CTNND2: variants seen among roughly 807,000 people sequenced by gnomAD.
CTNND2 encodes catenin delta 2, also known as catenin delta-2.
In CTNND2, 22 loss-of-function variants were observed where a neutral mutation model predicts 144.4. The observed-to-expected ratio is 0.15, with a 90% CI of 0.11 to 0.22. The LOEUF (loss-of-function observed/expected upper bound fraction) is 0.22, where lower values mean the gene tolerates loss of function less well. CTNND2 is among the 10% of genes least tolerant of loss of function. The probability of loss-of-function intolerance (pLI) is 1.00; values close to 1 mark genes in which losing one functional copy is unlikely to be tolerated. For synonymous variants in CTNND2, 751 were observed against 695.6 expected, an observed-to-expected ratio of 1.08 and a Z score of -1.25; for missense variants, 1,353 against 1,618.8, an observed-to-expected ratio of 0.84 and a Z score of 2.82.
chr5:11,273,333 A>T (rs1472526065), intron 9 of CTNND2, among the ~76,000 whole-genome samples: 1 of 152,112 alleles, frequency 6.6e-6, no homozygotes, highest in Non-Finnish European at 1.5e-5. Context: ...TCTCAAGTGG[A>T]CACATGGGGA....
chr5:11,321,143 A>T (rs1751988078), intron 9 of CTNND2, among the ~76,000 whole-genome samples: 1 of 152,168 alleles, frequency 6.6e-6, no homozygotes. Flanking sequence ...ATCTACCACC[A>T]AGCAAAAGAG....
chr5:11,520,255 C>T (rs1772603831), intron 3 of CTNND2, among the ~76,000 whole-genome samples: 1 of 152,088 alleles, frequency 6.6e-6, no homozygotes, highest in Non-Finnish European at 1.5e-5. Flanking sequence ...CATGCTGCAC[C>T]CCTCAGTATT....
intron 9 of CTNND2, among the ~76,000 whole-genome samples, chr5:11,245,400 T>A (rs1381312457): frequency 6.6e-6 from 1 of 152,108 alleles, no homozygotes; most frequent in Non-Finnish European, 1.5e-5. Flanking sequence ...GGTTAGCCAG[T>A]GGGCCCTAAA....
At chr5:11,252,101 T>C (rs895633240) in intron 9 of CTNND2, among the ~76,000 whole-genome samples, 4 of 152,212 alleles carry the variant, frequency 2.6e-5, no homozygotes, top group Non-Finnish European at 5.9e-5. Context: ...TGCTTTATTA[T>C]ATTCAGCTTG....
chr5:11,020,834 T>TAACCCTAACCCTAACCC (rs1561183207), intron 17 of CTNND2, among the ~76,000 whole-genome samples: 4 of 152,228 alleles, frequency 2.6e-5, no homozygotes, highest in African/African-American at 7.2e-5. Context: ...AATTTAACAC[T>TAACCCTAACCCTAACCC]TCTTATTAAA....
intron 9 of CTNND2, among the ~76,000 whole-genome samples, chr5:11,331,212 G>C (rs1216570387): frequency 6.6e-6 from 1 of 152,078 alleles, no homozygotes; most frequent in Non-Finnish European, 1.5e-5. Flanking sequence ...GAAGAGATAG[G>C]GACAAGAGTA....
intron 18 of CTNND2, among the ~76,000 whole-genome samples, chr5:11,004,687 G>C (rs1335237705): frequency 1.4e-5 from 2 of 145,970 alleles, no homozygotes; most frequent in Non-Finnish European, 3.0e-5. Context: ...TGCTTGAACT[G>C]TTTCGTTTTT....
At chr5:11,098,872 G>A in intron 14 of CTNND2, 124 bp from the exon 15 acceptor site, 1 of 808,324 alleles carries the variant, frequency 1.2e-6, no homozygotes. Flanking sequence ...AACATAGACT[G>A]CACGGAGGCT....
At chr5:11,716,226 A>G (rs1183964904) in intron 2 of CTNND2, among the ~76,000 whole-genome samples, 1 of 152,216 alleles carries the variant, frequency 6.6e-6, no homozygotes, top group East Asian at 1.9e-4. Context: ...CATCATTATC[A>G]AGTCATAATG....
intron 3 of CTNND2, among the ~76,000 whole-genome samples, chr5:11,502,602 T>G (rs988216068): frequency 2.0e-5 from 3 of 152,208 alleles, no homozygotes; most frequent in Non-Finnish European, 4.4e-5. Context: ...CCATCTATCT[T>G]GAGCTCTTTG....
chr5:11,162,840 G>C (rs531172902), intron 11 of CTNND2, among the ~76,000 whole-genome samples: 1 of 151,742 alleles, frequency 6.6e-6, no homozygotes, highest in East Asian at 1.9e-4. Flanking sequence ...TCATCTGGCA[G>C]GAGTTCAAGT....
intron 14 of CTNND2, among the ~76,000 whole-genome samples, chr5:11,108,312 C>T (rs1381242228): frequency 3.9e-5 from 6 of 152,126 alleles, no homozygotes; most frequent in Non-Finnish European, 8.8e-5. Context: ...CAAGACATCT[C>T]TTTCATTGTG....
intron 2 of CTNND2, among the ~76,000 whole-genome samples, chr5:11,595,286 C>G (rs1302774736): frequency 6.6e-6 from 1 of 152,150 alleles, no homozygotes; most frequent in East Asian, 1.9e-4. Context: ...CAACTGAAAC[C>G]CCAGTGCTGC....
At chr5:11,517,558 C>G (rs766129532) in intron 3 of CTNND2, among the ~76,000 whole-genome samples, 27 of 151,778 alleles carry the variant, frequency 1.8e-4, no homozygotes, top group Non-Finnish European at 2.9e-4. Flanking sequence ...ACTAATATAT[C>G]CATCACCTCA....
intron 9 of CTNND2, among the ~76,000 whole-genome samples, chr5:11,264,362 A>G (rs26458): frequency 0.16 from 24,017 of 152,216 alleles, 2,107 homozygotes; most frequent in African/African-American, 0.22. Flanking sequence ...ATGTTCCAAT[A>G]AAACTTTATT....
chr5:11,476,399 C>G (rs1020793341), intron 3 of CTNND2, among the ~76,000 whole-genome samples: 3 of 152,066 alleles, frequency 2.0e-5, no homozygotes, highest in Non-Finnish European at 4.4e-5. Context: ...AGTAACAATG[C>G]AAGATAGGTA....
chr5:11,585,140 C>A (rs985746189), intron 2 of CTNND2, among the ~76,000 whole-genome samples: 6 of 152,002 alleles, frequency 3.9e-5, no homozygotes, highest in Non-Finnish European at 5.9e-5. Flanking sequence ...AACAGGAGAC[C>A]ACCCTGTTTA....
intron 3 of CTNND2, among the ~76,000 whole-genome samples, chr5:11,530,936 C>T (rs1773695690): frequency 6.6e-6 from 1 of 151,960 alleles, no homozygotes; most frequent in Non-Finnish European, 1.5e-5. Flanking sequence ...AAAAGCAGCA[C>T]TCTGTTTACA....
chr5:11,235,917 A>G (rs1396187525), intron 10 of CTNND2, among the ~76,000 whole-genome samples: 2 of 152,224 alleles, frequency 1.3e-5, no homozygotes, highest in African/African-American at 4.8e-5. Flanking sequence ...TCATCCTCAG[A>G]ATTGCTTACA....
Sources: allele counts gnomAD v4.1 joint callset (sites outside exome capture counted in the v4.1 genomes callset), GRCh38; gene constraint gnomAD v4.1.1; transcripts MANE v1.5; gene names NCBI Gene and HGNC (gene_info 2026-07-23, HGNC 2026-07-21).